The following AAK1 variants were observed in gnomAD, a reference collection of about 807,000 sequenced individuals.
The protein encoded by AAK1 is AP2-associated protein kinase 1.
In AAK1, 37 loss-of-function variants were observed where a neutral mutation model predicts 116.0. That is an observed-to-expected ratio of 0.32 (90% CI 0.25 to 0.42). The LOEUF (loss-of-function observed/expected upper bound fraction) is 0.42. AAK1 is among the 10% of genes least tolerant of loss of function. The pLI is 1.00. For synonymous variants in AAK1, 458 were observed against 439.9 expected (o/e 1.04, Z -0.51); for missense variants, 919 against 1,170.6 (o/e 0.79, Z 3.14).
At position 69,542,655 on chromosome 2, in the gene AAK1, C is replaced by A. The variant is rs1295688074; in HGVS notation, c.402G>T (p.Val134=). Residue 134 remains valine, a synonymous_variant, in exon 5 of 22, where the codon GTG becomes GTT. Coordinates refer to ENST00000409085, the MANE Select transcript of AAK1 (RefSeq NM_014911.5). The part of the protein sequence containing the change: ...ILMDFCRGGQ[V]VNLMNQRLQT... Reference sequence around the variant, plus strand: ...GCAGGCGCTGGTTCATCAGGTTTACCACCTGGCCACCTGAGGGGGTACGTA... The same window carrying A: ...GCAGGCGCTGGTTCATCAGGTTTACAACCTGGCCACCTGAGGGGGTACGTA... 5.6e-6 allele frequency: 9 copies of A among 1,613,612 alleles called. No homozygotes were observed. In the Admixed American group the frequency reaches 6.7e-5, roughly 12 times the overall value.
chr2:69,556,807 G>A, intron 3 of AAK1, 53 bp downstream of exon 3: 2 of 1,411,124 alleles, frequency 1.4e-6, no homozygotes, highest in South Asian at 1.2e-5. Context: ...TTATGAGAGG[G>A]TACAATCTCT....
chr2:69,587,406 C>T (rs1475459225), intron 2 of AAK1, among the ~76,000 whole-genome samples: 2 of 150,898 alleles, frequency 1.3e-5, no homozygotes, highest in East Asian at 3.9e-4. Context: ...TACATATATA[C>T]ACATGTGTAT....
intron 2 of AAK1, among the ~76,000 whole-genome samples, chr2:69,601,753 A>ACCCCTTG (rs1673589603): frequency 1.3e-5 from 2 of 152,216 alleles, no homozygotes; most frequent in African/African-American, 4.8e-5. Flanking sequence ...TCCAAGGGGT[A>ACCCCTTG]GAGTCTATTC....
At chr2:69,632,433 C>T (rs903717536) in intron 2 of AAK1, among the ~76,000 whole-genome samples, 24 of 152,202 alleles carry the variant, frequency 1.6e-4, no homozygotes, top group Admixed American at 5.2e-4. Flanking sequence ...GTGCACAAGA[C>T]AGCCCTCCAC....
chr2:69,579,783 T>C (rs1341223268), intron 2 of AAK1, among the ~76,000 whole-genome samples: 2 of 152,182 alleles, frequency 1.3e-5, no homozygotes, highest in Admixed American at 1.3e-4. Flanking sequence ...AAATGCGCCC[T>C]GGTTGATTTC....
At chr2:69,594,866 T>A in intron 2 of AAK1, 1 of 1,557,906 alleles carries the variant, frequency 6.4e-7, no homozygotes, top group Non-Finnish European at 8.8e-7. Context: ...CTTAGCACAA[T>A]CTTCTTTGTA....
In AAK1 at chr2:69,465,594, C is replaced by T. The variant is rs1481980854; in HGVS notation, c.*10275G>A. 1.5e-6 allele frequency: 2 copies of T among 1,290,998 alleles called. No homozygotes were observed. Among genetic ancestry groups the T allele is most frequent in the African/African-American group, 3.0e-5 (2 of 65,994 alleles). The allele number at this position is 1,290,998 out of a possible 1,614,324, so 80.0% of individuals were successfully genotyped here. Reference sequence around the variant, plus strand: ...GGCAGCAATGGGCTGGGCTTCTGGACTTGGCTCGTCTTCTGGGCTATAGTG... The same window carrying T: ...GGCAGCAATGGGCTGGGCTTCTGGATTTGGCTCGTCTTCTGGGCTATAGTG... On this transcript the variant is annotated 3_prime_UTR_variant, in exon 22 of 22. Transcript: ENST00000409085.
At chr2:69,559,819 G>T (rs1173287759) in intron 2 of AAK1, among the ~76,000 whole-genome samples, 2 of 152,236 alleles carry the variant, frequency 1.3e-5, no homozygotes, top group Non-Finnish European at 2.9e-5. Flanking sequence ...AATGATGCCT[G>T]TCACTGCTGA....
intron 2 of AAK1, among the ~76,000 whole-genome samples, chr2:69,633,240 G>GA (rs898284937): frequency 1.4e-5 from 2 of 144,936 alleles, no homozygotes; most frequent in African/African-American, 5.1e-5. Context: ...AAGGCCCCAA[G>GA]AAAAAAGAGA....
chr2:69,521,459 A>C (rs1669775695), intron 10 of AAK1, among the ~76,000 whole-genome samples: 1 of 152,348 alleles, frequency 6.6e-6, no homozygotes, highest in Non-Finnish European at 1.5e-5. Flanking sequence ...GTCTCTCTAA[A>C]ATGAAAAGCA....
chr2:69,459,729 T>C lies in AAK1; in HGVS notation c.*16140A>G, dbSNP rs933919976. 1 of 152,190 alleles carries C rather than the reference T, an allele frequency of 6.6e-6. No individual in the cohort carries two copies. The highest frequency in any genetic ancestry group is 2.4e-5 in the African/African-American group (1 of 41,436). 9.4% of individuals were successfully genotyped at this position (152,190 alleles called of 1,614,324 possible). A position where few individuals can be genotyped will look rare whatever the true frequency, so the allele number is the denominator to read the frequency against. ...AATAGGGGAATGTTAAGTAAGGAAATGAAGTGGGAACAGGAACAAGGGAGC... is the reference window on the plus strand; with the variant it reads ...AATAGGGGAATGTTAAGTAAGGAAACGAAGTGGGAACAGGAACAAGGGAGC... On this transcript the variant is annotated 3_prime_UTR_variant, in exon 22 of 22. Transcript: ENST00000409085.
At chr2:69,519,427 T>C (rs1669655511) in intron 11 of AAK1, among the ~76,000 whole-genome samples, 187 bp from the exon 12 acceptor site, 2 of 152,246 alleles carry the variant, frequency 1.3e-5, no homozygotes, top group Admixed American at 6.5e-5. Context: ...TGCTAAATTA[T>C]GTGCTTCAAA....
intron 2 of AAK1, among the ~76,000 whole-genome samples, chr2:69,588,142 C>T (rs761831239): frequency 2.6e-5 from 4 of 152,260 alleles, no homozygotes; most frequent in South Asian, 4.1e-4. Context: ...TCCATAGTAA[C>T]GTGACCTGAG....
At chr2:69,494,208 G>A (rs928578062) in intron 17 of AAK1, among the ~76,000 whole-genome samples, 1 of 152,238 alleles carries the variant, frequency 6.6e-6, no homozygotes, top group Admixed American at 6.5e-5. Context: ...GTGTATACCA[G>A]TAACATTTCA....
intron 3 of AAK1, among the ~76,000 whole-genome samples, chr2:69,553,749 G>C (rs1671280583): frequency 6.7e-6 from 1 of 148,472 alleles, no homozygotes; most frequent in African/African-American, 2.6e-5. Context: ...GCCTAGACCT[G>C]AAAGTTCAAA....
intron 13 of AAK1, among the ~76,000 whole-genome samples, chr2:69,511,101 T>A (rs953248848): frequency 6.6e-6 from 1 of 152,188 alleles, no homozygotes; most frequent in Non-Finnish European, 1.5e-5. Flanking sequence ...TAACTTTGGA[T>A]ATAAAATGCC....
intron 12 of AAK1, among the ~76,000 whole-genome samples, chr2:69,516,517 T>C (rs1676588006): frequency 6.6e-6 from 1 of 151,702 alleles, no homozygotes; most frequent in Non-Finnish European, 1.5e-5. Context: ...AAAACTGTGG[T>C]TTCTAAACAT....
At chr2:69,631,903 C>G (rs927329080) in intron 2 of AAK1, among the ~76,000 whole-genome samples, 1 of 152,002 alleles carries the variant, frequency 6.6e-6, no homozygotes, top group Admixed American at 6.6e-5. Context: ...TCGCTTGAGC[C>G]CGGGAGGCGG....
rs1052878469 is a variant in AAK1, at chr2:69,470,964, T to A, written c.*4905A>T. On this transcript the variant is annotated 3_prime_UTR_variant, in exon 22 of 22. Coordinates refer to ENST00000409085, the MANE Select transcript of AAK1 (RefSeq NM_014911.5). ...GTCTTTATTCCCCTGTATGTTTACATAAGAAAGTTCTTTACAGACTTTTTT... is the reference window on the plus strand; with the variant it reads ...GTCTTTATTCCCCTGTATGTTTACAAAAGAAAGTTCTTTACAGACTTTTTT... The A allele has an allele frequency of 2.1e-5, 21 of 985,908 alleles. No individual in the cohort carries two copies. Among genetic ancestry groups the A allele is most frequent in the Non-Finnish European group, 2.5e-5 (21 of 829,924 alleles). The allele number at this position is 985,908 out of a possible 1,614,324, so 61.1% of individuals were successfully genotyped here.
Sources: gnomAD v4.1 joint callset for allele counts (sites outside exome capture counted in the v4.1 genomes callset) on GRCh38, gnomAD v4.1.1 for gene constraint, MANE v1.5 for transcripts, NCBI Gene and HGNC (gene_info 2026-07-23, HGNC 2026-07-21) for gene names.